The following ENOX1 variants were observed in gnomAD, a reference collection of about 807,000 sequenced individuals.
ENOX1 encodes candidate growth-related and time keeping constitutive hydroquinone (NADH) oxidase.
In ENOX1, 42 loss-of-function variants were observed where a neutral mutation model predicts 82.5. The ratio of observed to expected loss-of-function variants is 0.51; its 90% CI spans 0.40 to 0.66. ENOX1 has a LOEUF of 0.66. Ranked by LOEUF, ENOX1 falls within the 30% of genes least tolerant of loss-of-function variation. ENOX1 has a pLI of 0.00. For synonymous variants in ENOX1, 271 were observed against 282.2 expected (o/e 0.96, Z 0.40); for missense variants, 608 against 811.6 (o/e 0.75, Z 3.05).
intron 2 of ENOX1, among the ~76,000 whole-genome samples, chr13:43,580,014 C>T (rs1344635947): frequency 6.6e-6 from 1 of 151,906 alleles, no homozygotes; most frequent in African/African-American, 2.4e-5. Flanking sequence ...GGGGTGCACC[C>T]ACATGCAAGC....
intron 1 of ENOX1, among the ~76,000 whole-genome samples, chr13:43,676,773 T>C (rs186560916): frequency 5.4e-4 from 82 of 152,274 alleles, no homozygotes; most frequent in Non-Finnish European, 1.1e-3. Context: ...AAGTTTGAGA[T>C]AGCTGGTCCG....
chr13:43,769,117 C>T (rs1212969892), intron 1 of ENOX1, among the ~76,000 whole-genome samples: 1 of 152,186 alleles, frequency 6.6e-6, no homozygotes. Context: ...GGGCAAGTTG[C>T]TTAATCTATG....
Position 43,786,096 on chromosome 13 carries a change from T to C in ENOX1, c.-285+556A>G, listed in dbSNP as rs970354531. On this transcript the variant is annotated intron_variant, in intron 1 of 16. Transcript: ENST00000690772. The surrounding 1 kb of genome is among the most constrained non-coding windows in gnomAD (Gnocchi z 6.0). The stretch of plus-strand genomic sequence containing the variant: ...CCCCGCGAGAGGGGACAGTCACGAA[T>C]AACAACAGTACCCAGCGCAGACTAG... Among the ~76,000 whole-genome samples the C allele has an allele frequency of 1.3e-5, 2 of 152,064 alleles. No individual in the cohort carries two copies. Among genetic ancestry groups the C allele is most frequent in the African/African-American group, 4.8e-5 (2 of 41,496 alleles).
At chr13:43,497,488 T>C (rs2153665691) in intron 2 of ENOX1, among the ~76,000 whole-genome samples, 1 of 152,256 alleles carries the variant, frequency 6.6e-6, no homozygotes, top group South Asian at 2.1e-4. Context: ...ATGCTGTCTC[T>C]CTAACTAGTA....
intron 11 of ENOX1, among the ~76,000 whole-genome samples, chr13:43,315,704 T>G (rs2153521502): frequency 6.6e-6 from 1 of 152,328 alleles, no homozygotes; most frequent in South Asian, 2.1e-4. Flanking sequence ...GGATTGCTGT[T>G]ACAAGTGGCT....
intron 1 of ENOX1, among the ~76,000 whole-genome samples, chr13:43,709,871 A>G (rs1438334588): frequency 6.6e-6 from 1 of 152,136 alleles, no homozygotes; most frequent in Non-Finnish European, 1.5e-5. Context: ...GGAAATAATA[A>G]TTTTTAAATC....
chr13:43,644,626 A>T (rs1446318948), intron 2 of ENOX1, among the ~76,000 whole-genome samples: 1 of 152,234 alleles, frequency 6.6e-6, no homozygotes, highest in Non-Finnish European at 1.5e-5. Context: ...TTTTTAAAGG[A>T]AGGTAGCAGC....
At chr13:43,765,944 G>T (rs1022830380) in intron 1 of ENOX1, among the ~76,000 whole-genome samples, 2 of 152,108 alleles carry the variant, frequency 1.3e-5, no homozygotes, top group Non-Finnish European at 2.9e-5. Flanking sequence ...CTCATAAAAA[G>T]AAATTTAAAT....
intron 8 of ENOX1, among the ~76,000 whole-genome samples, chr13:43,350,168 A>C (rs1274178761): frequency 6.6e-6 from 1 of 152,216 alleles, no homozygotes; most frequent in Non-Finnish European, 1.5e-5. Flanking sequence ...AGAAAATGTA[A>C]ATCTTTATAA....
intron 2 of ENOX1, among the ~76,000 whole-genome samples, chr13:43,493,528 G>C (rs1429832859): frequency 6.6e-6 from 1 of 152,220 alleles, no homozygotes; most frequent in African/African-American, 2.4e-5. Flanking sequence ...CCCAGAAAGA[G>C]CGAGAATTCA....
At chr13:43,760,591 A>T (rs1950909978) in intron 1 of ENOX1, among the ~76,000 whole-genome samples, 1 of 152,096 alleles carries the variant, frequency 6.6e-6, no homozygotes, top group South Asian at 2.1e-4. Context: ...GCACTTGTCC[A>T]CACTGCCCAC....
intron 2 of ENOX1, among the ~76,000 whole-genome samples, chr13:43,538,883 G>C (rs540743934): frequency 9.9e-5 from 15 of 152,196 alleles, no homozygotes; most frequent in Non-Finnish European, 1.6e-4. Context: ...GAGTGCAGTG[G>C]TGTGATCACA....
intron 11 of ENOX1, among the ~76,000 whole-genome samples, chr13:43,306,845 A>G (rs1327588618): frequency 1.3e-5 from 2 of 152,130 alleles, no homozygotes; most frequent in African/African-American, 2.4e-5. Context: ...ACGCACACAC[A>G]CAGTTATATT....
At chr13:43,759,606 A>T (rs1412449421) in intron 1 of ENOX1, among the ~76,000 whole-genome samples, 1 of 152,180 alleles carries the variant, frequency 6.6e-6, no homozygotes, top group Non-Finnish European at 1.5e-5. Flanking sequence ...TAATTGTTTA[A>T]CTCTAAATCA....
At chr13:43,774,362 C>T (rs942420390) in intron 1 of ENOX1, among the ~76,000 whole-genome samples, 23 of 152,202 alleles carry the variant, frequency 1.5e-4, no homozygotes, top group African/African-American at 4.3e-4. Context: ...TGGACTTAGT[C>T]GGTTCTGAGA....
chr13:43,264,647 G>T (rs951042792), intron 14 of ENOX1, among the ~76,000 whole-genome samples: 1 of 152,142 alleles, frequency 6.6e-6, no homozygotes, highest in African/African-American at 2.4e-5. Context: ...TCAGTGAAAA[G>T]AACTGCTTAG....
At chr13:43,243,979 A>C (rs567668932) in intron 14 of ENOX1, among the ~76,000 whole-genome samples, 3 of 151,930 alleles carry the variant, frequency 2.0e-5, no homozygotes, top group Admixed American at 6.6e-5. Flanking sequence ...CACATTTCCT[A>C]CGCCACTTAT....
At chr13:43,293,865 T>A (rs2046147839) in intron 12 of ENOX1, among the ~76,000 whole-genome samples, 2 of 152,238 alleles carry the variant, frequency 1.3e-5, no homozygotes, top group Admixed American at 1.3e-4. Flanking sequence ...TATTTCTTCA[T>A]CTTCCATAAA....
chr13:43,480,232 C>T (rs2058456737), intron 3 of ENOX1, among the ~76,000 whole-genome samples: 1 of 152,160 alleles, frequency 6.6e-6, no homozygotes, highest in South Asian at 2.1e-4. Flanking sequence ...AGCCACTGCA[C>T]CTGGCTGGTT....
Sources: allele counts gnomAD v4.1 joint callset (sites outside exome capture counted in the v4.1 genomes callset), GRCh38; gene constraint gnomAD v4.1.1; non-coding constraint Gnocchi (gnomAD v3.1); transcripts MANE v1.5; gene names NCBI Gene and HGNC (gene_info 2026-07-23, HGNC 2026-07-21).